CDH2: variants seen among roughly 807,000 people sequenced by gnomAD.
The protein encoded by CDH2 is cadherin 2.
In CDH2, 17 loss-of-function variants were observed where a neutral mutation model predicts 92.0. The ratio of observed to expected loss-of-function variants is 0.18; its 90% confidence interval spans 0.13 to 0.28. CDH2 has a LOEUF of 0.28. Among genes scored for constraint, CDH2 ranks in the 10% least tolerant of loss-of-function variants. The pLI is 1.00. For missense variants in CDH2, 862 were observed against 1,133.1 expected, an observed-to-expected ratio of 0.76 and a Z score of 3.44; for synonymous variants, 419 against 415.9, an observed-to-expected ratio of 1.01 and a Z score of -0.09.
chr18:27,941,031 AC>A (rs1427946137), intron 6 of CDH2, among the ~76,000 whole-genome samples: 3 of 133,162 alleles, frequency 2.3e-5, no homozygotes, highest in Non-Finnish European at 3.2e-5. Context: ...TCTAAGTAGC[AC>A]CTTTTTTTTT....
Position 28,166,170 on chromosome 18 carries a change from A to G in CDH2, c.60+10793T>C, listed in dbSNP as rs189165514. Among the ~76,000 whole-genome samples the G allele has an allele frequency of 1.1e-3, 149 of 136,068 alleles. 8 individuals carry two copies. The highest frequency in any genetic ancestry group is 4.2e-3 in the African/African-American group (145 of 34,834). 89.3% of individuals were successfully genotyped at this position (136,068 alleles called of 152,430 possible). A position where few individuals can be genotyped will look rare whatever the true frequency, so the allele number is the denominator to read the frequency against. On this transcript the variant is annotated intron_variant, in intron 1 of 15. Coordinates refer to ENST00000269141, the MANE Select transcript of CDH2 (RefSeq NM_001792.5). ...CACTCATATATATATATATATATATATATGTCTGTATTTTAATTATGAAGA... is the reference window on the plus strand; with the variant it reads ...CACTCATATATATATATATATATATGTATGTCTGTATTTTAATTATGAAGA...
At chr18:28,103,538 A>G (rs566413462) in intron 2 of CDH2, among the ~76,000 whole-genome samples, 25 of 151,654 alleles carry the variant, frequency 1.6e-4, no homozygotes, top group Non-Finnish European at 3.4e-4. Flanking sequence ...GTTCTGGGAT[A>G]CACTGCAGAA....
At chr18:28,041,258 A>G (rs570243421) in intron 2 of CDH2, among the ~76,000 whole-genome samples, 25 of 152,368 alleles carry the variant, frequency 1.6e-4, no homozygotes, top group African/African-American at 5.5e-4. Context: ...TGGCATGTTT[A>G]CAAAACTGGT....
intron 6 of CDH2, among the ~76,000 whole-genome samples, chr18:27,940,155 C>T (rs995244368): frequency 1.4e-4 from 21 of 152,216 alleles, no homozygotes; most frequent in African/African-American, 5.1e-4. Context: ...GATAAACTTT[C>T]TGCACGCTAA....
At chr18:27,998,818 C>T (rs907555204) in intron 7 of CDH2, among the ~76,000 whole-genome samples, 7 of 152,172 alleles carry the variant, frequency 4.6e-5, no homozygotes, top group African/African-American at 1.7e-4. Flanking sequence ...CAGGGTTTCG[C>T]CATGTGGCCC....
chr18:28,166,344 G>A (rs1598522082), intron 1 of CDH2, among the ~76,000 whole-genome samples: 1 of 151,464 alleles, frequency 6.6e-6, no homozygotes, highest in Non-Finnish European at 1.5e-5. Flanking sequence ...TGTTATCGAC[G>A]TTTGAGTACA....
At chr18:28,038,208 A>G (rs2013874826) in intron 2 of CDH2, among the ~76,000 whole-genome samples, 1 of 152,142 alleles carries the variant, frequency 6.6e-6, no homozygotes, top group Non-Finnish European at 1.5e-5. Context: ...CAATTACTTG[A>G]GCCCAGGAGT....
rs1428236027 is a variant in CDH2, at chr18:27,990,239, C to T, written c.1456G>A (p.Val486Ile). Residue 486 changes from valine to isoleucine, a missense_variant, in exon 10 of 16, where the codon GTT (valine) becomes ATT (isoleucine). By Grantham distance (29) the Val-to-Ile change is conservative. Coordinates refer to ENST00000269141, the MANE Select transcript of CDH2 (RefSeq NM_001792.5). ...TTTTCATTTACGTCAATAACTGTAA[C>T]AGACACGGTTGCAGTTGACTGAGGG... ...HPPQSTATVS[V>I]TVIDVNENPY... 6.2e-7 allele frequency: 1 copy of T among 1,613,978 alleles called. No individual in the cohort carries two copies. The highest frequency in any genetic ancestry group is 1.3e-5 in the African/African-American group (1 of 74,918).
At chr18:28,133,364 G>A (rs1344967958) in intron 2 of CDH2, among the ~76,000 whole-genome samples, 10 of 151,880 alleles carry the variant, frequency 6.6e-5, no homozygotes, top group East Asian at 5.9e-4. Context: ...CGGGTGGATC[G>A]TGAGGTCAGG....
intron 7 of CDH2, among the ~76,000 whole-genome samples, chr18:27,994,219 C>T (rs1283071251): frequency 6.6e-6 from 1 of 152,128 alleles, no homozygotes; most frequent in African/African-American, 2.4e-5. Context: ...AAAGTCAAAA[C>T]TTGAAGGGTT....
In CDH2 at chr18:27,990,149, A is replaced by G. The variant is rs1390344008; in HGVS notation, c.1546T>C (p.Leu516=). Residue 516 remains leucine (L), a synonymous_variant, in exon 10 of 16, where the codon TTG becomes CTG. Coordinates refer to ENST00000269141, the MANE Select transcript of CDH2 (RefSeq NM_001792.5). ...GGGTCCTGAGCAGTGAATGTTGTCA[A>G]CATGGTACCGGCATGAAGCCCTTCT... ...QEEGLHAGTM[L]TTFTAQDPDR... is the part of the protein sequence containing the mutation. 5 of 1,613,962 alleles carry G rather than the reference A, an allele frequency of 3.1e-6. No homozygotes were observed. The African/African-American group carries it at 6.7e-5, about 22-fold the overall frequency.
At chr18:28,084,608 G>T (rs2014891996) in intron 2 of CDH2, among the ~76,000 whole-genome samples, 1 of 151,510 alleles carries the variant, frequency 6.6e-6, no homozygotes, top group African/African-American at 2.4e-5. Flanking sequence ...CACACACACA[G>T]CATAAAATAT....
chr18:28,110,044 T>C (rs1046215332), intron 2 of CDH2, among the ~76,000 whole-genome samples: 1 of 152,186 alleles, frequency 6.6e-6, no homozygotes. Context: ...TATGGTGTCC[T>C]TTTCTGAGGT....
Position 28,050,282 on chromosome 18 carries a change from TAC to T in CDH2, c.173-36375_173-36374del, listed in dbSNP as rs372060331. 1.2e-3 allele frequency among the ~76,000 whole-genome samples: 188 copies of T among 152,312 alleles called. 2 individuals are homozygous for T. Among genetic ancestry groups the T allele is most frequent in the African/African-American group, 4.3e-3 (179 of 41,576 alleles). On this transcript the variant is annotated intron_variant, in intron 2 of 15. Transcript: ENST00000269141. ...TAAATGGTATAGGGTAAAATTAAAATACAGACATTGCAGTATTGCTGATAGCA... is the reference window on the plus strand; with the variant it reads ...TAAATGGTATAGGGTAAAATTAAAATAGACATTGCAGTATTGCTGATAGCA...
intron 2 of CDH2, among the ~76,000 whole-genome samples, chr18:28,088,471 C>T (rs960502063): frequency 6.6e-6 from 1 of 152,178 alleles, no homozygotes; most frequent in Non-Finnish European, 1.5e-5. Context: ...TCCAAGTTAG[C>T]TCAGATACCC....
At chr18:28,050,967 T>C (rs373368965) in intron 2 of CDH2, among the ~76,000 whole-genome samples, 3 of 152,354 alleles carry the variant, frequency 2.0e-5, no homozygotes, top group East Asian at 3.9e-4. Flanking sequence ...TTTAAAAATA[T>C]GTATTTCCTT....
chr18:28,022,243 C>G (rs1162413554), intron 2 of CDH2, among the ~76,000 whole-genome samples: 1 of 151,870 alleles, frequency 6.6e-6, no homozygotes, highest in Non-Finnish European at 1.5e-5. Flanking sequence ...CCAATCCTTT[C>G]CACACATGTA....
chr18:28,005,705 C>T, intron 6 of CDH2, 144 bp downstream of exon 6: 21 of 567,252 alleles, frequency 3.7e-5, no homozygotes, highest in Admixed American at 9.6e-5. Flanking sequence ...CCTAAGTTAC[C>T]TTCCTTCTTT....
chr18:28,157,881 T>G (rs1326671286), intron 1 of CDH2, among the ~76,000 whole-genome samples: 23 of 152,306 alleles, frequency 1.5e-4, no homozygotes, highest in African/African-American at 5.5e-4. Context: ...CAAACTCTTC[T>G]AAAAGTATAC....
Sources: gnomAD v4.1 joint callset for allele counts (sites outside exome capture counted in the v4.1 genomes callset) on GRCh38, gnomAD v4.1.1 for gene constraint, MANE v1.5 for transcripts, NCBI Gene and HGNC (gene_info 2026-07-23, HGNC 2026-07-21) for gene names.